BTBD19: variants seen among roughly 807,000 people sequenced by gnomAD.
The protein encoded by BTBD19 is BTB domain containing 19, also known as BTB/POZ domain-containing protein 19.
Under a neutral mutation model 36.1 loss-of-function variants are expected in BTBD19, and 20 were observed. That is an observed-to-expected ratio of 0.55 (90% CI 0.39 to 0.80). The LOEUF (loss-of-function observed/expected upper bound fraction) is 0.80. BTBD19 is among the 30% of genes least tolerant of loss of function. The probability of loss-of-function intolerance (pLI) is 0.00; values close to 1 mark genes in which losing one functional copy is unlikely to be tolerated. For synonymous variants in BTBD19, 157 were observed against 174.3 expected, an observed-to-expected ratio of 0.90 and a Z score of 0.78; for missense variants, 325 against 389.8, an observed-to-expected ratio of 0.83 and a Z score of 1.40.
chr1:44,808,755 C>A, exon 1 of BTBD19: 3 of 1,225,750 alleles, frequency 2.4e-6, no homozygotes, highest in South Asian at 3.0e-5. Flanking sequence ...CCTTGCTAAC[C>A]TCACCAGCTC....
chr1:44,813,259 G>T lies in BTBD19; in HGVS notation c.605G>T (p.Arg202Leu), dbSNP rs559629969. 23 of 1,536,156 alleles carry T rather than the reference G, an allele frequency of 1.5e-5. No individual in the cohort carries two copies. Among genetic ancestry groups the T allele is most frequent in the Non-Finnish European group, 1.9e-5 (22 of 1,143,356 alleles). Residue 202 changes from arginine to leucine, a missense_variant, in exon 6 of 8, where the codon CGC becomes CTC. Coordinates refer to ENST00000450269, the Ensembl canonical transcript of BTBD19. This position sits in a 1 kb window ranked among gnomAD's most constrained non-coding sequence, Gnocchi z 7.8. ...GTCCGCGCGGCCCGAAGCTGGGCGCGCGTGGGCGCGGTGAGTGGGGCTGGG... is the reference window on the plus strand; with the variant it reads ...GTCCGCGCGGCCCGAAGCTGGGCGCTCGTGGGCGCGGTGAGTGGGGCTGGG...
chr1:44,812,593 A>T, intron 4 of BTBD19: 4 of 394,620 alleles, frequency 1.0e-5, no homozygotes, highest in Non-Finnish European at 2.0e-5. Flanking sequence ...GCTACTCTGG[A>T]GGCTGAGGCA....
In BTBD19 at chr1:44,810,174, T is replaced by C; in HGVS notation, c.87-39T>C. The C allele has an allele frequency of 6.6e-7, 1 of 1,514,274 alleles. No individual in the cohort carries two copies. Among genetic ancestry groups the C allele is most frequent in the East Asian group, 2.5e-5 (1 of 40,726 alleles). 93.8% of individuals were successfully genotyped at this position (1,514,274 alleles called of 1,614,324 possible). On this transcript the variant is annotated intron_variant, in intron 1 of 7. Coordinates refer to ENST00000450269, the Ensembl canonical transcript of BTBD19. The surrounding 1 kb of genome is among the most constrained non-coding windows in gnomAD (Gnocchi z 4.2). ...ACAGCCCAAGTTGCACTCCGGGTGC[T>C]GGCCTCCTCCCCGCTGCCTCTCTGC... is the stretch of plus-strand genomic sequence containing the variant.
At chr1:44,809,008 C>A in intron 1 of BTBD19, 102 bp downstream of exon 1, 2 of 1,016,990 alleles carry the variant, frequency 2.0e-6, no homozygotes, top group Non-Finnish European at 2.8e-6. Context: ...TAGAACTTGG[C>A]CATCCTCCCT....
chr1:44,814,148 C>CTTTCTTTCTTTCTTTCTTTCTT (rs60343664), downstream of BTBD19: 1 of 159,090 alleles, frequency 6.3e-6, no homozygotes, highest in Non-Finnish European at 1.2e-5. Flanking sequence ...CTTTTTCTTT[C>CTTTCTTTCTTTCTTTCTTTCTT]TCTTTCTTTC....
Position 44,813,002 on chromosome 1 carries a change from G to A in BTBD19, c.421G>A (p.Val141Ile). ...TCCCTCATTCTGCTCGCAGGTGGCCGTAACCTTTGGCCTGGGGCAGCTGCA... is the reference window on the plus strand; with the variant it reads ...TCCCTCATTCTGCTCGCAGGTGGCCATAACCTTTGGCCTGGGGCAGCTGCA... Residue 141 changes from valine (V) to isoleucine (I), a missense_variant, in exon 5 of 8, where the codon GTA (valine) becomes ATA (isoleucine). Physicochemically the swap from Val to Ile is conservative, Grantham distance 29 (BLOSUM62 3). Transcript: ENST00000450269. This position sits in a 1 kb window ranked among gnomAD's most constrained non-coding sequence, Gnocchi z 7.8. The A allele has an allele frequency of 1.3e-6, 2 of 1,550,640 alleles. No individual in the cohort carries two copies. Among genetic ancestry groups the A allele is most frequent in the East Asian group, 2.4e-5 (1 of 40,908 alleles).
At position 44,813,518 on chromosome 1, in the gene BTBD19, G is replaced by A. The variant is rs1015829720; in HGVS notation, c.741+19G>A. 1 of 1,548,742 alleles carries A rather than the reference G, an allele frequency of 6.5e-7. No individual in the cohort carries two copies. Among genetic ancestry groups the A allele is most frequent in the East Asian group, 2.4e-5 (1 of 40,882 alleles). On this transcript the variant is annotated intron_variant, in intron 7 of 7. Coordinates refer to ENST00000450269, the Ensembl canonical transcript of BTBD19. This position sits in a 1 kb window ranked among gnomAD's most constrained non-coding sequence, Gnocchi z 7.8. Reference sequence around the variant, plus strand: ...CATCCCGGTGGGGACGCGGGGAACCGGCCCAGCTCCACTCAGCAGGGGGTA... The same window carrying A: ...CATCCCGGTGGGGACGCGGGGAACCAGCCCAGCTCCACTCAGCAGGGGGTA...
rs1652531797 is a variant in BTBD19, at chr1:44,813,465, T to C, written c.707T>C (p.Leu236Pro). ...CTGGCCCCGGCGGAGCTGAGCGCCC[T>C]GGAAGAGCAGAACCGGCAGGAACCA... The change falls in exon 7 of 8, where the codon CTG becomes CCG. Residue 236 changes from leucine to proline, a missense_variant. By Grantham distance (98) the Leu-to-Pro change is moderately conservative. Coordinates refer to ENST00000450269, the Ensembl canonical transcript of BTBD19. The surrounding 1 kb of genome is among the most constrained non-coding windows in gnomAD (Gnocchi z 7.8). 1 of 1,546,440 alleles carries C rather than the reference T, an allele frequency of 6.5e-7. No individual in the cohort carries two copies. Among genetic ancestry groups the C allele is most frequent in the Non-Finnish European group, 8.7e-7 (1 of 1,146,616 alleles).
At chr1:44,812,009 C>A in intron 3 of BTBD19, 30 bp from the exon 4 acceptor site, 1 of 1,300,732 alleles carries the variant, frequency 7.7e-7, no homozygotes, top group South Asian at 1.2e-5. Context: ...GGGACACCGC[C>A]ACCCAACCCA....
chr1:44,813,976 A>G lies in BTBD19; in HGVS notation c.*204A>G, dbSNP rs117344385. The G allele has an allele frequency of 6.5e-3, 5,363 of 829,632 alleles. 97 individuals are homozygous for G. The highest frequency in any genetic ancestry group is 0.038 in the East Asian group (1,395 of 36,356). 51.4% of individuals were successfully genotyped at this position (829,632 alleles called of 1,614,324 possible). ...TGGGCGAGGTGGGGTCGGGCCGGGCAGGGCTTGGGCTGGGCCTCCCTGAGG... is the reference window on the plus strand; with the variant it reads ...TGGGCGAGGTGGGGTCGGGCCGGGCGGGGCTTGGGCTGGGCCTCCCTGAGG... On this transcript the variant is annotated 3_prime_UTR_variant, in exon 8 of 8. Coordinates refer to ENST00000450269, the Ensembl canonical transcript of BTBD19. The surrounding 1 kb of genome is among the most constrained non-coding windows in gnomAD (Gnocchi z 7.8).
rs570753256 is a variant in BTBD19, at chr1:44,813,947, C to T, written c.*175C>T. On this transcript the variant is annotated 3_prime_UTR_variant, in exon 8 of 8. Transcript: ENST00000450269. This position sits in a 1 kb window ranked among gnomAD's most constrained non-coding sequence, Gnocchi z 7.8. ...GCAGCCCCTTGTGCGGGATCAAGCC[C>T]GTGTGGGCGAGGTGGGGTCGGGCCG... is the stretch of plus-strand genomic sequence containing the variant. 8 of 1,107,504 alleles carry T rather than the reference C, an allele frequency of 7.2e-6. No individual in the cohort carries two copies. The highest frequency in any genetic ancestry group is 6.3e-5 in the South Asian group (4 of 63,712). 68.6% of individuals were successfully genotyped at this position (1,107,504 alleles called of 1,614,324 possible).
chr1:44,808,782 C>T, exon 1 of BTBD19: 5 of 1,461,566 alleles, frequency 3.4e-6, no homozygotes, highest in Non-Finnish European at 4.6e-6. Flanking sequence ...CTGGCCAGGC[C>T]TCCCAGGCTC....
At chr1:44,812,893 C>T in intron 4 of BTBD19, 103 bp from the exon 5 acceptor site, 1 of 1,144,594 alleles carries the variant, frequency 8.7e-7, no homozygotes, top group Non-Finnish European at 1.2e-6. Context: ...TGTCAGCCTC[C>T]CCAGCTAGGG....
exon 4 of BTBD19, chr1:44,812,092 C>T (rs1417294853): frequency 3.1e-6 from 4 of 1,304,800 alleles, no homozygotes; most frequent in Non-Finnish European, 4.0e-6. Flanking sequence ...TTTGTGAGGC[C>T]CTGCAGGTGG....
intron 3 of BTBD19, among the ~76,000 whole-genome samples, chr1:44,811,266 G>A (rs974381354): frequency 2.0e-5 from 3 of 151,862 alleles, no homozygotes; most frequent in African/African-American, 7.3e-5. Context: ...AGCGTGAATG[G>A]TGCCGAGACT....
chr1:44,813,494 A>G lies in BTBD19; in HGVS notation c.736A>G (p.Ile246Val). 1 of 1,549,796 alleles carries G rather than the reference A, an allele frequency of 6.5e-7. No individual in the cohort carries two copies. Among genetic ancestry groups the G allele is most frequent in the Middle Eastern group, 1.7e-4 (1 of 5,968 alleles). The change falls in exon 7 of 8, where the codon ATC becomes GTC. Residue 246 changes from isoleucine to valine, a missense_variant. Ile to Val is a conservative substitution (Grantham distance 29, BLOSUM62 3). Transcript: ENST00000450269. The surrounding 1 kb of genome is among the most constrained non-coding windows in gnomAD (Gnocchi z 7.8). ...AGAGCAGAACCGGCAGGAACCACTC[A>G]TCCCGGTGGGGACGCGGGGAACCGG... is the stretch of plus-strand genomic sequence containing the variant.
At chr1:44,808,792 C>G in exon 1 of BTBD19, 3 of 1,503,160 alleles carry the variant, frequency 2.0e-6, no homozygotes, top group African/African-American at 2.8e-5. Flanking sequence ...CTCCCAGGCT[C>G]CCTCCTCCAC....
chr1:44,810,739 C>A lies in BTBD19; in HGVS notation c.354+132C>A. ...CAGAGAGAAGTATGTATATCTCTCC[C>A]AAGTAAGTAGGGCATGTATGTGTGC... is the stretch of plus-strand genomic sequence containing the variant. On this transcript the variant is annotated intron_variant, in intron 3 of 7. Coordinates refer to ENST00000450269, the Ensembl canonical transcript of BTBD19. The surrounding 1 kb of genome is among the most constrained non-coding windows in gnomAD (Gnocchi z 4.2). 2.4e-6 allele frequency: 2 copies of A among 835,160 alleles called. No homozygotes were observed. The highest frequency in any genetic ancestry group is 3.5e-6 in the Non-Finnish European group (2 of 572,462). 51.7% of individuals were successfully genotyped at this position (835,160 alleles called of 1,614,324 possible). A position where few individuals can be genotyped will look rare whatever the true frequency, so the allele number is the denominator to read the frequency against.
chr1:44,811,665 A>G (rs1427510971), intron 3 of BTBD19: 1 of 274,410 alleles, frequency 3.6e-6, no homozygotes, highest in East Asian at 8.1e-5. Flanking sequence ...GCAGCAGTCA[A>G]GAGATGAGAG....
Sources: allele counts gnomAD v4.1 joint callset (sites outside exome capture counted in the v4.1 genomes callset), GRCh38; gene constraint gnomAD v4.1.1; non-coding constraint Gnocchi (gnomAD v3.1); transcripts MANE v1.5; gene names NCBI Gene and HGNC (gene_info 2026-07-23, HGNC 2026-07-21).